C16orf74: variants seen among roughly 807,000 people sequenced by gnomAD.
C16orf74 encodes calcimembrin.
In C16orf74, 10 loss-of-function variants were observed where a neutral mutation model predicts 6.5. That is an observed-to-expected ratio of 1.54 (90% CI 0.95 to 2.61). The LOEUF (loss-of-function observed/expected upper bound fraction) is 2.61. C16orf74 is among the 30% of genes most tolerant of loss of function. The pLI is 0.00. For synonymous variants in C16orf74, 60 were observed against 42.5 expected, an observed-to-expected ratio of 1.41 and a Z score of -1.60; for missense variants, 141 against 105.9, an observed-to-expected ratio of 1.33 and a Z score of -1.45.
chr16:85,742,282 A>G (rs2054317412), intron 1 of C16orf74, among the ~76,000 whole-genome samples: 1 of 152,186 alleles, frequency 6.6e-6, no homozygotes, highest in Non-Finnish European at 1.5e-5. Context: ...CTGAAGAATG[A>G]GAATCGCTTG....
At chr16:85,726,128 C>T (rs138363431) in intron 2 of C16orf74, among the ~76,000 whole-genome samples, 8 of 152,292 alleles carry the variant, frequency 5.3e-5, no homozygotes, top group African/African-American at 1.9e-4. Context: ...AACCCCTCAC[C>T]TTGCCTCATC....
intron 1 of C16orf74, among the ~76,000 whole-genome samples, chr16:85,738,349 G>A (rs2054267457): frequency 7.0e-6 from 1 of 143,064 alleles, no homozygotes; most frequent in South Asian, 2.2e-4. Flanking sequence ...TTTTGAGACA[G>A]AGTCTCACTC....
intron 1 of C16orf74, among the ~76,000 whole-genome samples, chr16:85,735,906 AG>A (rs1028933839): frequency 2.0e-5 from 3 of 152,158 alleles, no homozygotes; most frequent in African/African-American, 7.2e-5. Context: ...CCTCAGTAAC[AG>A]CCCCGCAAGG....
intron 2 of C16orf74, among the ~76,000 whole-genome samples, chr16:85,727,822 A>C (rs1198336129): frequency 7.0e-6 from 1 of 143,524 alleles, no homozygotes; most frequent in East Asian, 2.1e-4. Context: ...TCAAAAAAAC[A>C]AAAAGTGTGG....
chr16:85,708,506 G>T (rs1056272256), intron 3 of C16orf74, among the ~76,000 whole-genome samples: 1 of 152,220 alleles, frequency 6.6e-6, no homozygotes, highest in African/African-American at 2.4e-5. Flanking sequence ...CACTGCAGCA[G>T]GAGCCCAGCT....
intron 2 of C16orf74, among the ~76,000 whole-genome samples, chr16:85,731,410 G>A (rs555130373): frequency 1.3e-5 from 2 of 152,362 alleles, no homozygotes; most frequent in African/African-American, 4.8e-5. Context: ...TTTGAACCCA[G>A]GGAGGCCTGG....
chr16:85,749,077 G>A (rs1048068231), intron 1 of C16orf74, among the ~76,000 whole-genome samples: 1 of 151,748 alleles, frequency 6.6e-6, no homozygotes, highest in African/African-American at 2.4e-5. Context: ...CACTGTGCCT[G>A]GGCCCCATCA....
chr16:85,724,810 G>A (rs1428831657), intron 2 of C16orf74, among the ~76,000 whole-genome samples: 1 of 152,216 alleles, frequency 6.6e-6, no homozygotes, highest in Non-Finnish European at 1.5e-5. Context: ...TGTGTGCCAA[G>A]TCTTGGGCCA....
In C16orf74 at chr16:85,707,919, A is replaced by G. The variant is rs569570855; in HGVS notation, c.*89T>C. On this transcript the variant is annotated 3_prime_UTR_variant, in exon 4 of 4. Transcript: ENST00000284245. ...CGCTCAGTTCCCATCCAGGGTATTC[A>G]GCACACCTGCTCCAGGCAGCCACGC... 4.9e-5 allele frequency: 57 copies of G among 1,171,918 alleles called. No homozygotes were observed. The highest frequency in any genetic ancestry group is 6.9e-5 in the Non-Finnish European group (56 of 813,302). The allele number at this position is 1,171,918 out of a possible 1,614,324, so 72.6% of individuals were successfully genotyped here.
At chr16:85,723,386 G>C (rs1217622191) in intron 2 of C16orf74, among the ~76,000 whole-genome samples, 1 of 150,260 alleles carries the variant, frequency 6.7e-6, no homozygotes, top group Admixed American at 6.6e-5. Context: ...GGGCAACATA[G>C]CAAGATCCCA....
chr16:85,734,709 A>T (rs948096273), intron 2 of C16orf74, among the ~76,000 whole-genome samples: 1 of 152,024 alleles, frequency 6.6e-6, no homozygotes, highest in Non-Finnish European at 1.5e-5. Context: ...CACAGGACAG[A>T]AGTCTGGGCT....
intron 1 of C16orf74, among the ~76,000 whole-genome samples, chr16:85,744,688 G>C (rs1378831028): frequency 6.6e-6 from 1 of 151,982 alleles, no homozygotes; most frequent in African/African-American, 2.4e-5. Flanking sequence ...AAATTAGTCA[G>C]GCATGGTGGC....
intron 2 of C16orf74, among the ~76,000 whole-genome samples, chr16:85,727,740 G>A (rs1261884345): frequency 6.6e-6 from 1 of 151,672 alleles, no homozygotes; most frequent in Non-Finnish European, 1.5e-5. Context: ...CTTGATCCCA[G>A]GAGGTGGAGG....
At chr16:85,719,767 G>C (rs1346862910) in intron 2 of C16orf74, among the ~76,000 whole-genome samples, 1 of 151,970 alleles carries the variant, frequency 6.6e-6, no homozygotes, top group African/African-American at 2.4e-5. Flanking sequence ...CACACACAAA[G>C]GCCCTGAGGC....
intron 2 of C16orf74, among the ~76,000 whole-genome samples, chr16:85,728,159 T>A (rs2054152918): frequency 6.6e-6 from 1 of 151,862 alleles, no homozygotes; most frequent in Non-Finnish European, 1.5e-5. Context: ...TATAAATAAA[T>A]AAGCACAGAA....
chr16:85,737,682 T>G (rs756499178), intron 1 of C16orf74, among the ~76,000 whole-genome samples: 1 of 152,108 alleles, frequency 6.6e-6, no homozygotes, highest in Non-Finnish European at 1.5e-5. Flanking sequence ...ATACAAAAAA[T>G]TAGCTGGGTG....
At chr16:85,740,433 T>A (rs1422004120) in intron 1 of C16orf74, among the ~76,000 whole-genome samples, 1 of 151,192 alleles carries the variant, frequency 6.6e-6, no homozygotes, top group Non-Finnish European at 1.5e-5. Context: ...CCGGGCGCGG[T>A]GGCTCACGCC....
intron 2 of C16orf74, among the ~76,000 whole-genome samples, chr16:85,723,336 G>A (rs2054101497): frequency 6.6e-6 from 1 of 151,494 alleles, no homozygotes; most frequent in Non-Finnish European, 1.5e-5. Context: ...GCCGAGGAAG[G>A]AGGACAACTT....
rs543193666 is a variant in C16orf74, at chr16:85,729,677, G to A, written c.28+5513C>T. 1.1e-3 allele frequency among the ~76,000 whole-genome samples: 170 copies of A among 152,290 alleles called. 1 individual carries two copies. Among genetic ancestry groups the A allele is most frequent in the African/African-American group, 3.9e-3 (161 of 41,554 alleles). On this transcript the variant is annotated intron_variant, in intron 2 of 3. Coordinates refer to ENST00000284245, the MANE Select transcript of C16orf74 (RefSeq NM_206967.3). ...ATGAGCTCATCCTGGATTTGGGGGC[G>A]GAGGGGCTCTAAATCCAATGCCTGG...
Sources: gnomAD v4.1 joint callset for allele counts (sites outside exome capture counted in the v4.1 genomes callset) on GRCh38, gnomAD v4.1.1 for gene constraint, MANE v1.5 for transcripts, NCBI Gene and HGNC (gene_info 2026-07-23, HGNC 2026-07-21) for gene names.